The following KIAA0825 variants were observed in gnomAD, a reference collection of about 807,000 sequenced individuals.
KIAA0825 encodes the protein uncharacterized protein KIAA0825.
A neutral mutation model predicts 147.6 loss-of-function variants in KIAA0825; 119 were observed. That is an observed-to-expected ratio of 0.81 (90% CI 0.69 to 0.94). The LOEUF (loss-of-function observed/expected upper bound fraction) is 0.94. KIAA0825 is among the 40% of genes least tolerant of loss of function. KIAA0825 has a pLI of 0.00. For synonymous variants in KIAA0825, 470 were observed against 518.1 expected (o/e 0.91, Z 1.26); for missense variants, 1,381 against 1,472.7 (o/e 0.94, Z 1.02).
intron 20 of KIAA0825, among the ~76,000 whole-genome samples, chr5:94,182,247 C>CTTTTTTT (rs1769697500): frequency 6.8e-5 from 1 of 14,772 alleles, no homozygotes; most frequent in Admixed American, 9.9e-4. Flanking sequence ...TAAAATGTCC[C>CTTTTTTT]TTCTTTTTTT....
intron 14 of KIAA0825, among the ~76,000 whole-genome samples, chr5:94,437,763 T>C (rs1413578207): frequency 2.6e-5 from 4 of 152,196 alleles, no homozygotes; most frequent in African/African-American, 4.8e-5. Flanking sequence ...ATTTCTCTTA[T>C]AGGACCATGC....
At chr5:94,467,584 G>A (rs1034466680) in intron 10 of KIAA0825, among the ~76,000 whole-genome samples, 1 of 152,214 alleles carries the variant, frequency 6.6e-6, no homozygotes, top group Non-Finnish European at 1.5e-5. Flanking sequence ...TCATCAGAGA[G>A]ATACAGAACT....
intron 20 of KIAA0825, among the ~76,000 whole-genome samples, chr5:94,176,268 C>G (rs901962775): frequency 1.3e-5 from 2 of 152,152 alleles, no homozygotes; most frequent in Admixed American, 6.6e-5. Flanking sequence ...CTTGCTTGCT[C>G]TCTCACCATG....
chr5:94,227,316 AT>A (rs1219354071), intron 20 of KIAA0825, among the ~76,000 whole-genome samples: 22 of 152,078 alleles, frequency 1.4e-4, no homozygotes, highest in East Asian at 3.9e-4. Context: ...CAAACACCGC[AT>A]ATTCTCACTC....
At chr5:94,217,193 T>C (rs1221297373) in intron 20 of KIAA0825, among the ~76,000 whole-genome samples, 1 of 152,190 alleles carries the variant, frequency 6.6e-6, no homozygotes, top group Non-Finnish European at 1.5e-5. Context: ...AAATTATTCA[T>C]GTCCTTTAAT....
intron 20 of KIAA0825, among the ~76,000 whole-genome samples, chr5:94,294,016 A>G (rs982351091): frequency 7.9e-5 from 12 of 151,970 alleles, no homozygotes; most frequent in Non-Finnish European, 1.6e-4. Flanking sequence ...TTGAGTTTAT[A>G]TGTGCCTTTG....
At chr5:94,289,025 G>A (rs1777772492) in intron 20 of KIAA0825, among the ~76,000 whole-genome samples, 1 of 152,120 alleles carries the variant, frequency 6.6e-6, no homozygotes, top group African/African-American at 2.4e-5. Context: ...AACTTCTGTT[G>A]TTGCCGATGG....
At chr5:94,557,995 T>C (rs1776874356) in intron 2 of KIAA0825, among the ~76,000 whole-genome samples, 1 of 152,272 alleles carries the variant, frequency 6.6e-6, no homozygotes, top group South Asian at 2.1e-4. Flanking sequence ...GAGGCGCCCA[T>C]TGCCGCTCCT....
At chr5:94,282,408 A>G (rs1264053) in intron 20 of KIAA0825, among the ~76,000 whole-genome samples, 6,377 of 152,196 alleles carry the variant, frequency 0.042, 181 homozygotes, top group Non-Finnish European at 0.062. Flanking sequence ...AAGACATACC[A>G]TAAAGCCATA....
intron 20 of KIAA0825, among the ~76,000 whole-genome samples, chr5:94,369,420 T>G (rs1169899562): frequency 6.6e-6 from 1 of 152,182 alleles, no homozygotes; most frequent in Non-Finnish European, 1.5e-5. Context: ...CATATTTACA[T>G]TACTTGCCCA....
chr5:94,497,152 T>C (rs771101916), intron 5 of KIAA0825, among the ~76,000 whole-genome samples: 39 of 152,368 alleles, frequency 2.6e-4, no homozygotes, highest in Admixed American at 7.8e-4. Flanking sequence ...AAAAGTAAGT[T>C]ACTCACTAGT....
chr5:94,381,722 C>T (rs367593870), intron 20 of KIAA0825, among the ~76,000 whole-genome samples: 29 of 152,212 alleles, frequency 1.9e-4, no homozygotes, highest in African/African-American at 6.3e-4. Context: ...AGTAGCTTTA[C>T]AATTATTATT....
At chr5:94,553,460 A>T (rs545216879) in intron 2 of KIAA0825, among the ~76,000 whole-genome samples, 5 of 149,740 alleles carry the variant, frequency 3.3e-5, no homozygotes, top group African/African-American at 1.2e-4. Flanking sequence ...AGAAAAAAAA[A>T]AAGTAAAAAA....
chr5:94,237,430 A>AG (rs1775111076), intron 20 of KIAA0825, among the ~76,000 whole-genome samples: 1 of 152,204 alleles, frequency 6.6e-6, no homozygotes, highest in Admixed American at 6.5e-5. Context: ...GGCTGCAATG[A>AG]GGGTGCAAGC....
intron 20 of KIAA0825, among the ~76,000 whole-genome samples, chr5:94,325,314 A>T (rs947878063): frequency 1.3e-5 from 2 of 151,958 alleles, no homozygotes; most frequent in African/African-American, 4.8e-5. Context: ...TGCCCTCCTT[A>T]TGTTATTATA....
intron 5 of KIAA0825, among the ~76,000 whole-genome samples, chr5:94,500,729 CAA>C (rs1297547415): frequency 4.6e-5 from 7 of 152,116 alleles, no homozygotes; most frequent in Non-Finnish European, 8.8e-5. Flanking sequence ...TCATGATAAA[CAA>C]AAGAGATCTC....
At chr5:94,417,784 T>C (rs1753661972) in intron 14 of KIAA0825, among the ~76,000 whole-genome samples, 1 of 152,312 alleles carries the variant, frequency 6.6e-6, no homozygotes, top group Non-Finnish European at 1.5e-5. Flanking sequence ...CATTGTACCA[T>C]GGGAAAATTC....
intron 20 of KIAA0825, among the ~76,000 whole-genome samples, chr5:94,210,745 G>T (rs1277439995): frequency 1.3e-5 from 2 of 152,142 alleles, no homozygotes; most frequent in Non-Finnish European, 2.9e-5. Flanking sequence ...CATCAAGTCA[G>T]ACCTCATAAT....
chr5:94,534,130 C>T (rs1771493549), intron 3 of KIAA0825, among the ~76,000 whole-genome samples: 1 of 151,916 alleles, frequency 6.6e-6, no homozygotes, highest in Admixed American at 6.6e-5. Context: ...AAACCTATAC[C>T]ATACAGATGT....
Sources: allele counts gnomAD v4.1 joint callset (sites outside exome capture counted in the v4.1 genomes callset), GRCh38; gene constraint gnomAD v4.1.1; transcripts MANE v1.5; gene names NCBI Gene and HGNC (gene_info 2026-07-23, HGNC 2026-07-21).